Variants in ANO3 observed in about 807,000 individuals in gnomAD.
ANO3 encodes anoctamin 3.
ANO3 carries 99 observed loss-of-function variants against 144.8 expected under a neutral mutation model. The ratio of observed to expected loss-of-function variants is 0.68; its 90% confidence interval spans 0.58 to 0.81. ANO3 has a LOEUF of 0.81. ANO3 is among the 30% of genes least tolerant of loss of function. The pLI is 0.00. For synonymous variants in ANO3, 414 were observed against 392.6 expected (o/e 1.05, Z -0.64); for missense variants, 905 against 1,202.2 (o/e 0.75, Z 3.66).
chr11:26,527,679 G>A (rs907814824), intron 7 of ANO3, among the ~76,000 whole-genome samples: 1 of 152,162 alleles, frequency 6.6e-6, no homozygotes, highest in Non-Finnish European at 1.5e-5. Context: ...GATAAATAAT[G>A]TACAGGCAGT....
rs570934089 is a variant in ANO3, at chr11:26,473,814, C to T, written c.432+10666C>T. Reference sequence around the variant, plus strand: ...TTAACCAATGACACATGAAAGCAGCCCCCTATTCCACCCTATAACCAACTC... The same window carrying T: ...TTAACCAATGACACATGAAAGCAGCTCCCTATTCCACCCTATAACCAACTC... On this transcript the variant is annotated intron_variant, in intron 4 of 26. Coordinates refer to ENST00000256737, the MANE Select transcript of ANO3 (RefSeq NM_031418.4). 1.1e-5 allele frequency: 5 copies of T among 463,794 alleles called. No homozygotes were observed. The South Asian group carries it at 2.8e-4, about 26-fold the overall frequency. The allele number at this position is 463,794 out of a possible 1,614,324, so 28.7% of individuals were successfully genotyped here. A position where few individuals can be genotyped will look rare whatever the true frequency, so the allele number is the denominator to read the frequency against.
At chr11:26,214,748 ATAT>A (rs1441491663) in intron 1 of ANO3, among the ~76,000 whole-genome samples, 4 of 152,050 alleles carry the variant, frequency 2.6e-5, no homozygotes, top group African/African-American at 9.6e-5. Flanking sequence ...CAATATTGAT[ATAT>A]TATTATTAAT....
At chr11:26,468,585 A>G (rs773267401) in intron 4 of ANO3, among the ~76,000 whole-genome samples, 38 of 151,976 alleles carry the variant, frequency 2.5e-4, no homozygotes, top group Non-Finnish European at 4.9e-4. Context: ...AGAAGGTGAG[A>G]AAGAGATAGC....
At chr11:26,487,006 T>A (rs1161400116) in intron 4 of ANO3, among the ~76,000 whole-genome samples, 1 of 152,234 alleles carries the variant, frequency 6.6e-6, no homozygotes, top group Admixed American at 6.5e-5. Context: ...CTGCAGACAC[T>A]AACCTAATTT....
Position 26,577,617 on chromosome 11 carries a change from C to T in ANO3, c.1447+17838C>T, listed in dbSNP as rs181701645. 2.5e-4 allele frequency among the ~76,000 whole-genome samples: 37 copies of T among 150,530 alleles called. No individual in the cohort carries two copies. The East Asian group carries it at 7.0e-3, about 29-fold the overall frequency. On this transcript the variant is annotated intron_variant, in intron 14 of 26. Coordinates refer to ENST00000256737, the MANE Select transcript of ANO3 (RefSeq NM_031418.4). The stretch of plus-strand genomic sequence containing the variant: ...AGAAAGTATTACAGCATGGCAGCCT[C>T]AAAGATCTACTCAAAGTTAGTAATC...
intron 1 of ANO3, among the ~76,000 whole-genome samples, chr11:26,421,564 G>C (rs1040652780): frequency 6.6e-6 from 1 of 151,870 alleles, no homozygotes; most frequent in Non-Finnish European, 1.5e-5. Context: ...TTCTTTTATA[G>C]ACATGATGTA....
intron 1 of ANO3, among the ~76,000 whole-genome samples, chr11:26,222,574 T>C (rs1214132830): frequency 9.2e-5 from 14 of 152,208 alleles, no homozygotes; most frequent in Admixed American, 9.2e-4. Flanking sequence ...AGTATCTCTC[T>C]GGGGACTCCA....
chr11:26,632,579 G>GTT (rs1852820895), intron 18 of ANO3, among the ~76,000 whole-genome samples: 1 of 141,474 alleles, frequency 7.1e-6, no homozygotes, highest in South Asian at 2.1e-4. Flanking sequence ...AAAAATATAC[G>GTT]TTTTATATAT....
chr11:26,307,721 AAAT>A (rs56805697), upstream of ANO3, among the ~76,000 whole-genome samples: 38,002 of 142,340 alleles, frequency 0.27, 5,546 homozygotes, highest in African/African-American at 0.4. Flanking sequence ...CTCCGTCTCT[AAAT>A]AATAATAATA....
At chr11:26,386,201 C>T (rs541799528) in intron 1 of ANO3, among the ~76,000 whole-genome samples, 128 of 152,112 alleles carry the variant, frequency 8.4e-4, no homozygotes, top group African/African-American at 2.9e-3. Context: ...AAGATTTTAG[C>T]ATCAAAATAA....
chr11:26,583,796 G>T (rs1165127344), intron 14 of ANO3, among the ~76,000 whole-genome samples: 1 of 152,176 alleles, frequency 6.6e-6, no homozygotes, highest in African/African-American at 2.4e-5. Flanking sequence ...GGGAATGGAG[G>T]AGTCTTAAGT....
rs899146847 is a variant in ANO3 at position 26,398,755 on chromosome 11, C to T, written c.47-43163C>T. ...AGGCAGAAAGTGTTCCGTAAAAATC[C>T]GGGATGGTATTCATGTGGGTTATCA... is the stretch of plus-strand genomic sequence containing the variant. On this transcript the variant is annotated intron_variant, in intron 1 of 26. Coordinates refer to ENST00000256737, the MANE Select transcript of ANO3 (RefSeq NM_031418.4). Among the ~76,000 whole-genome samples the T allele has an allele frequency of 4.6e-5, 7 of 152,024 alleles. No homozygotes were observed. In the South Asian group the frequency reaches 6.2e-4, roughly 14 times the overall value.
chr11:26,294,141 T>C (rs1379593456), intron 1 of ANO3, among the ~76,000 whole-genome samples: 1 of 152,164 alleles, frequency 6.6e-6, no homozygotes. Flanking sequence ...AGGACTGTTG[T>C]CCACAATTTG....
intron 1 of ANO3, among the ~76,000 whole-genome samples, chr11:26,211,647 G>C (rs1554923401): frequency 6.6e-6 from 1 of 152,178 alleles, no homozygotes; most frequent in Non-Finnish European, 1.5e-5. Context: ...GTAGAAGACA[G>C]TTTGGCAATT....
intron 3 of ANO3, among the ~76,000 whole-genome samples, chr11:26,455,154 A>C (rs1305827334): frequency 3.2e-4 from 48 of 151,316 alleles, no homozygotes; most frequent in African/African-American, 1.1e-3. Context: ...TTCCCTTTGA[A>C]AACTGGCACA....
chr11:26,321,630 C>G (rs113331423), intron 1 of ANO3, among the ~76,000 whole-genome samples: 3,039 of 152,080 alleles, frequency 0.02, 93 homozygotes, highest in African/African-American at 0.066. Flanking sequence ...TAAATTATGT[C>G]TCATCTGGCC....
intron 23 of ANO3, among the ~76,000 whole-genome samples, chr11:26,646,392 A>G (rs561240462): frequency 1.3e-5 from 2 of 152,250 alleles, no homozygotes; most frequent in East Asian, 3.9e-4. Context: ...ATGTGTTTGC[A>G]TAGTGTATCT....
At chr11:26,325,414 T>C (rs1246250137) in intron 1 of ANO3, among the ~76,000 whole-genome samples, 1 of 152,176 alleles carries the variant, frequency 6.6e-6, no homozygotes, top group Admixed American at 6.6e-5. Flanking sequence ...ATATAAAATA[T>C]GTTTTACTGA....
At chr11:26,346,322 T>C (rs1855494646) in intron 1 of ANO3, among the ~76,000 whole-genome samples, 1 of 152,196 alleles carries the variant, frequency 6.6e-6, no homozygotes, top group Non-Finnish European at 1.5e-5. Context: ...AGTGTGGAGA[T>C]TATAGGGCCT....
Sources: allele counts gnomAD v4.1 joint callset (sites outside exome capture counted in the v4.1 genomes callset), GRCh38; gene constraint gnomAD v4.1.1; transcripts MANE v1.5; gene names NCBI Gene and HGNC (gene_info 2026-07-23, HGNC 2026-07-21).